Variants in PACRG observed in about 807,000 individuals in gnomAD.
PACRG encodes parkin coregulated, also known as parkin coregulated gene protein.
In PACRG, 29 loss-of-function variants were observed where a neutral mutation model predicts 29.7. The ratio of observed to expected loss-of-function variants is 0.98; its 90% CI spans 0.73 to 1.33. The LOEUF is 1.33. Among genes scored for constraint, PACRG ranks in the 40% most tolerant of loss-of-function variants. The probability of loss-of-function intolerance (pLI) is 0.00; values close to 1 mark genes in which losing one functional copy is unlikely to be tolerated. For synonymous variants in PACRG, 116 were observed against 118.7 expected (o/e 0.98, Z 0.15); for missense variants, 279 against 316.2 (o/e 0.88, Z 0.89).
intron 2 of PACRG, among the ~76,000 whole-genome samples, chr6:162,943,081 A>G (rs899086678): frequency 6.6e-6 from 1 of 152,038 alleles, no homozygotes; most frequent in Non-Finnish European, 1.5e-5. Flanking sequence ...AATCCTAGTG[A>G]CTCAACCCCT....
At chr6:162,884,024 A>G (rs1300281390) in intron 2 of PACRG, among the ~76,000 whole-genome samples, 1 of 151,980 alleles carries the variant, frequency 6.6e-6, no homozygotes, top group East Asian at 1.9e-4. Context: ...CGAAGCCTTG[A>G]CCTCCTGGGC....
chr6:163,206,038 A>G (rs908126146), intron 4 of PACRG, among the ~76,000 whole-genome samples: 1 of 152,218 alleles, frequency 6.6e-6, no homozygotes, highest in Non-Finnish European at 1.5e-5. Flanking sequence ...CAGAATGGCT[A>G]TTGCTAAAAA....
At chr6:163,301,425 C>A (rs6903721) in intron 4 of PACRG, among the ~76,000 whole-genome samples, 2 of 152,122 alleles carry the variant, frequency 1.3e-5, no homozygotes, top group Non-Finnish European at 2.9e-5. Context: ...TAAAGTCCTA[C>A]GACCAAGTAT....
intron 2 of PACRG, among the ~76,000 whole-genome samples, chr6:163,053,449 A>T (rs1175228690): frequency 6.6e-6 from 1 of 152,180 alleles, no homozygotes; most frequent in Non-Finnish European, 1.5e-5. Context: ...TACTGTAAAA[A>T]ACAGAACTGT....
chr6:163,006,005 TTA>T (rs971241063), intron 2 of PACRG, among the ~76,000 whole-genome samples: 10 of 145,362 alleles, frequency 6.9e-5, no homozygotes, highest in Non-Finnish European at 1.4e-4. Flanking sequence ...TGTATAACAT[TTA>T]TATGTTATAT....
At chr6:163,305,106 G>A (rs1230759773) in intron 4 of PACRG, among the ~76,000 whole-genome samples, 2 of 152,218 alleles carry the variant, frequency 1.3e-5, no homozygotes, top group East Asian at 1.9e-4. Context: ...CTCGGTGCCT[G>A]TGCTCCTCAC....
chr6:163,000,794 G>T (rs1804521208), intron 2 of PACRG, among the ~76,000 whole-genome samples: 1 of 152,202 alleles, frequency 6.6e-6, no homozygotes, highest in Non-Finnish European at 1.5e-5. Context: ...AGAAAAGGAA[G>T]ACACAACAAT....
chr6:163,224,946 A>C (rs1781730278), intron 4 of PACRG, among the ~76,000 whole-genome samples: 1 of 152,202 alleles, frequency 6.6e-6, no homozygotes, highest in Non-Finnish European at 1.5e-5. Flanking sequence ...GCAAACCAAA[A>C]ATCCTATGAG....
At chr6:162,798,265 C>T (rs1785548835) in intron 1 of PACRG, among the ~76,000 whole-genome samples, 1 of 152,178 alleles carries the variant, frequency 6.6e-6, no homozygotes, top group African/African-American at 2.4e-5. Context: ...GGTCCCTCTT[C>T]TGCCTCTTTG....
intron 2 of PACRG, among the ~76,000 whole-genome samples, chr6:162,994,329 T>C (rs1447670143): frequency 4.0e-5 from 6 of 150,750 alleles, no homozygotes; most frequent in Admixed American, 6.6e-5. Context: ...TAATATCCTG[T>C]AGAGTGTTTT....
intron 2 of PACRG, among the ~76,000 whole-genome samples, chr6:162,864,366 A>G (rs1792119464): frequency 6.6e-6 from 1 of 152,162 alleles, no homozygotes; most frequent in African/African-American, 2.4e-5. Context: ...AAACAAATAC[A>G]TACTTATTCA....
At chr6:163,295,831 T>C (rs143084637) in intron 4 of PACRG, among the ~76,000 whole-genome samples, 58 of 152,330 alleles carry the variant, frequency 3.8e-4, no homozygotes, top group Non-Finnish European at 6.5e-4. Flanking sequence ...TTCAGCATCA[T>C]GGCCAACCTC....
intron 4 of PACRG, among the ~76,000 whole-genome samples, chr6:163,210,006 G>T (rs529920710): frequency 1.4e-4 from 21 of 152,256 alleles, no homozygotes; most frequent in Non-Finnish European, 2.6e-4. Context: ...CCTGTTGGGG[G>T]ACCTCAGTTC....
intron 2 of PACRG, among the ~76,000 whole-genome samples, chr6:162,824,979 A>G (rs1401279365): frequency 6.6e-6 from 1 of 152,176 alleles, no homozygotes; most frequent in Non-Finnish European, 1.5e-5. Context: ...TCAAATTGAG[A>G]GTCTCTATAA....
chr6:162,863,737 C>T (rs1439893300), intron 2 of PACRG, among the ~76,000 whole-genome samples: 1 of 152,122 alleles, frequency 6.6e-6, no homozygotes, highest in African/African-American at 2.4e-5. Context: ...AAATAAGGAA[C>T]CACAGACTCA....
At chr6:162,865,044 T>A (rs921583632) in intron 2 of PACRG, among the ~76,000 whole-genome samples, 1 of 152,198 alleles carries the variant, frequency 6.6e-6, no homozygotes, top group Non-Finnish European at 1.5e-5. Flanking sequence ...GAGTGAATCT[T>A]TCACCAATTA....
intron 1 of PACRG, among the ~76,000 whole-genome samples, chr6:162,748,336 C>CA (rs1456444258): frequency 6.6e-6 from 1 of 151,914 alleles, no homozygotes; most frequent in Non-Finnish European, 1.5e-5. Flanking sequence ...AATAAAAATA[C>CA]AAAAAAATTA....
At chr6:162,852,912 A>C (rs1352138492) in intron 2 of PACRG, among the ~76,000 whole-genome samples, 2 of 152,160 alleles carry the variant, frequency 1.3e-5, no homozygotes, top group Non-Finnish European at 2.9e-5. Context: ...AAAGCCAAAA[A>C]CTAGAAACTG....
At chr6:162,820,313 T>G (rs1207515593) in intron 2 of PACRG, among the ~76,000 whole-genome samples, 1 of 150,256 alleles carries the variant, frequency 6.7e-6, no homozygotes, top group Non-Finnish European at 1.5e-5. Flanking sequence ...TTTCTAGTTC[T>G]TTTTATTTCT....
Sources: allele counts gnomAD v4.1 joint callset (sites outside exome capture counted in the v4.1 genomes callset), GRCh38; gene constraint gnomAD v4.1.1; transcripts MANE v1.5; gene names NCBI Gene and HGNC (gene_info 2026-07-23, HGNC 2026-07-21).